HIGD1B: variants seen among roughly 807,000 people sequenced by gnomAD.
The protein encoded by HIGD1B is HIG1 hypoxia inducible domain family member 1B.
In HIGD1B, 9 loss-of-function variants were observed where a neutral mutation model predicts 8.8. That is an observed-to-expected ratio of 1.02 (90% CI 0.62 to 1.78). The LOEUF (loss-of-function observed/expected upper bound fraction) is 1.78. Ranked by LOEUF, HIGD1B falls within the 40% of genes most tolerant of loss-of-function variation. HIGD1B has a pLI of 0.00. For synonymous variants in HIGD1B, 47 were observed against 38.8 expected (o/e 1.21, Z -0.78); for missense variants, 126 against 111.8 (o/e 1.13, Z -0.57).
In HIGD1B at chr17:44,849,383, T is replaced by C. The variant is rs761580214; in HGVS notation, c.230T>C (p.Met77Thr). The C allele has an allele frequency of 6.2e-6, 10 of 1,614,060 alleles. No individual in the cohort carries two copies. In the South Asian group the frequency reaches 1.1e-4, roughly 18 times the overall value. The change falls in exon 2 of 3, where the codon ATG (methionine) becomes ACG (threonine). Residue 77 changes from methionine to threonine, a missense_variant. Coordinates refer to ENST00000253410, the MANE Select transcript of HIGD1B (RefSeq NM_016438.4). ...AAQACAVGAI[M>T]LGAVYTMYSD... Reference sequence around the variant, plus strand: ...CAGGCCTGTGCAGTGGGTGCAATCATGCTAGGTGAGTAGCTTTGTGGGGTC... The same window carrying C: ...CAGGCCTGTGCAGTGGGTGCAATCACGCTAGGTGAGTAGCTTTGTGGGGTC...
intron 1 of HIGD1B, 114 bp downstream of exon 1, chr17:44,848,366 G>C: frequency 6.1e-6 from 4 of 660,260 alleles, no homozygotes; most frequent in Non-Finnish European, 8.1e-6. Context: ...CCTACTCACG[G>C]AACAAGGGAA....
At position 44,849,101 on chromosome 17, in the gene HIGD1B, C is replaced by G. The variant is rs749355156; in HGVS notation, c.101-153C>G. 13 of 789,866 alleles carry G rather than the reference C, an allele frequency of 1.6e-5. No homozygotes were observed. In the Admixed American group the frequency reaches 3.5e-4, roughly 21 times the overall value. 48.9% of individuals were successfully genotyped at this position (789,866 alleles called of 1,614,324 possible). On this transcript the variant is annotated intron_variant, in intron 1 of 2. Coordinates refer to ENST00000253410, the MANE Select transcript of HIGD1B (RefSeq NM_016438.4). ...AACAACTCAATATTCTAATGATCCC[C>G]CTAGGTCCCCCGCAACGCCCACCCC...
At chr17:44,845,642 C>T (rs2050316546), upstream of HIGD1B, among the ~76,000 whole-genome samples, 1 of 151,814 alleles carries the variant, frequency 6.6e-6, no homozygotes, top group African/African-American at 2.4e-5. Flanking sequence ...AACAAAAAAC[C>T]CCAAAAACTA....
upstream of HIGD1B, among the ~76,000 whole-genome samples, chr17:44,845,275 A>G (rs2050313604): frequency 7.1e-6 from 1 of 140,026 alleles, no homozygotes; most frequent in Admixed American, 7.0e-5. Context: ...AAAAAAAAAA[A>G]GAAAGAAATA....
At chr17:44,845,520 T>C (rs987672332), upstream of HIGD1B, among the ~76,000 whole-genome samples, 1 of 151,952 alleles carries the variant, frequency 6.6e-6, no homozygotes, top group Non-Finnish European at 1.5e-5. Flanking sequence ...GTCCCAGCTA[T>C]TTAGGAGGCT....
At chr17:44,849,499 C>T (rs531154570) in intron 2 of HIGD1B, 111 bp downstream of exon 2, 338 of 1,274,454 alleles carry the variant, frequency 2.7e-4, no homozygotes, top group South Asian at 1.2e-3. Context: ...CGGTGGTTCA[C>T]GCCTGTAATC....
chr17:44,849,155 T>G lies in HIGD1B; in HGVS notation c.101-99T>G. 10 of 1,314,458 alleles carry G rather than the reference T, an allele frequency of 7.6e-6. No individual in the cohort carries two copies. The East Asian group carries it at 1.0e-4, about 14-fold the overall frequency. 81.4% of individuals were successfully genotyped at this position (1,314,458 alleles called of 1,614,324 possible). On this transcript the variant is annotated intron_variant, in intron 1 of 2. Coordinates refer to ENST00000253410, the MANE Select transcript of HIGD1B (RefSeq NM_016438.4). The stretch of plus-strand genomic sequence containing the variant: ...CCACCAGATGCTGCATAAAACCAGC[T>G]GTTTATCCAGATGCCCAGCCTGCCT...
upstream of HIGD1B, among the ~76,000 whole-genome samples, chr17:44,846,776 C>A (rs1329843423): frequency 6.8e-6 from 1 of 147,618 alleles, no homozygotes; most frequent in African/African-American, 2.5e-5. Flanking sequence ...CAAAGTGAGA[C>A]CCTGCCTAAA....
chr17:44,847,759 CG>C, upstream of HIGD1B: 1 of 170,466 alleles, frequency 5.9e-6, no homozygotes, highest in Non-Finnish European at 1.2e-5. Context: ...CAAAGGCCAG[CG>C]GGGGCCCCAG....
At chr17:44,850,052 A>G (rs1049424117) in intron 2 of HIGD1B, 8 of 336,964 alleles carry the variant, frequency 2.4e-5, no homozygotes, top group Non-Finnish European at 4.5e-5. Context: ...GATGTGTAAC[A>G]TGACAATAAC....
At chr17:44,849,432 A>G (rs111254264) in intron 2 of HIGD1B, 44 bp downstream of exon 2, 22 of 1,610,762 alleles carry the variant, frequency 1.4e-5, no homozygotes, top group African/African-American at 1.3e-4. Context: ...AAAACCGATT[A>G]TGCAGTTTGT....
upstream of HIGD1B, among the ~76,000 whole-genome samples, chr17:44,845,258 CAAAA>C (rs11366877): frequency 6.9e-5 from 8 of 116,784 alleles, no homozygotes; most frequent in Non-Finnish European, 7.2e-5. Context: ...AACTCCGTCT[CAAAA>C]AAAAAAAAAA....
upstream of HIGD1B, among the ~76,000 whole-genome samples, chr17:44,845,600 C>T (rs2050315944): frequency 6.6e-6 from 1 of 151,948 alleles, no homozygotes; most frequent in African/African-American, 2.4e-5. Flanking sequence ...GCCTGGGTGA[C>T]AGAGGGAGAC....
At chr17:44,849,964 C>CT in intron 2 of HIGD1B, 1 of 216,788 alleles carries the variant, frequency 4.6e-6, no homozygotes, top group Admixed American at 5.0e-5. Flanking sequence ...TTCTCTTCCT[C>CT]TTGAGATTAA....
At chr17:44,847,112 G>A (rs2050330740), upstream of HIGD1B, among the ~76,000 whole-genome samples, 1 of 151,846 alleles carries the variant, frequency 6.6e-6, no homozygotes, top group Non-Finnish European at 1.5e-5. Flanking sequence ...ACTCCAGCCT[G>A]GGCTACAGAG....
upstream of HIGD1B, among the ~76,000 whole-genome samples, chr17:44,847,487 T>G (rs1465989265): frequency 6.6e-6 from 1 of 152,178 alleles, no homozygotes; most frequent in Non-Finnish European, 1.5e-5. Context: ...AGCCCAGGGA[T>G]GAAGGTAGCC....
intron 1 of HIGD1B, among the ~76,000 whole-genome samples, chr17:44,848,727 G>A (rs577095761): frequency 1.1e-4 from 16 of 151,084 alleles, no homozygotes; most frequent in South Asian, 1.1e-3. Flanking sequence ...GGGGTGTCAC[G>A]GGAGGGAGGC....
rs1410421607 is a variant in HIGD1B, at chr17:44,849,240, T to C, written c.101-14T>C. 6.2e-7 allele frequency: 1 copy of C among 1,613,518 alleles called. No individual in the cohort carries two copies. Among genetic ancestry groups the C allele is most frequent in the African/African-American group, 1.3e-5 (1 of 74,862 alleles). ...TTGTGGCTGTGGCCCAGGGGCTGTG[T>C]TCTCTGCCCACAGGCTTAGGAGGCT... On this transcript the variant is annotated splice_polypyrimidine_tract_variant and intron_variant, in intron 1 of 2. Coordinates refer to ENST00000253410, the MANE Select transcript of HIGD1B (RefSeq NM_016438.4).
At chr17:44,850,059 T>C in intron 2 of HIGD1B, 1 of 349,288 alleles carries the variant, frequency 2.9e-6, no homozygotes, top group South Asian at 6.2e-5. Context: ...AACATGACAA[T>C]AACCACCCCT....
Sources: gnomAD v4.1 joint callset for allele counts (sites outside exome capture counted in the v4.1 genomes callset) on GRCh38, gnomAD v4.1.1 for gene constraint, MANE v1.5 for transcripts, NCBI Gene and HGNC (gene_info 2026-07-23, HGNC 2026-07-21) for gene names.